Variants in CLASP1 observed in about 807,000 individuals in gnomAD.
CLASP1 encodes cytoplasmic linker associated protein 1, also known as CLIP-associating protein 1.
In CLASP1, 38 loss-of-function variants were observed where a neutral mutation model predicts 192.3. That is an observed-to-expected ratio of 0.20 (90% CI 0.15 to 0.26). CLASP1 has a LOEUF of 0.26. CLASP1 is among the 10% of genes least tolerant of loss of function. The pLI, the probability that CLASP1 is intolerant of heterozygous loss-of-function variation, is 1.00. For missense variants in CLASP1, 1,433 were observed against 1,932.5 expected, an observed-to-expected ratio of 0.74 and a Z score of 4.85; for synonymous variants, 691 against 712.8, an observed-to-expected ratio of 0.97 and a Z score of 0.49.
chr2:121,575,613 C>T (rs1472557706), intron 2 of CLASP1, among the ~76,000 whole-genome samples: 3 of 152,238 alleles, frequency 2.0e-5, no homozygotes, highest in Admixed American at 2.0e-4. Flanking sequence ...CTCCATCGTA[C>T]AAACCAGGAA....
chr2:121,391,043 A>G (rs1312116233), intron 30 of CLASP1, among the ~76,000 whole-genome samples: 5 of 152,198 alleles, frequency 3.3e-5, no homozygotes, highest in South Asian at 2.1e-4. Flanking sequence ...AAACATGGCT[A>G]TATCACTGAG....
At chr2:121,536,588 T>C in intron 2 of CLASP1, among the ~76,000 whole-genome samples, 1 of 151,544 alleles carries the variant, frequency 6.6e-6, no homozygotes, top group Non-Finnish European at 1.5e-5. Flanking sequence ...CAAAATGGAG[T>C]CTCCTGGTCT....
At chr2:121,551,669 A>C (rs979622148) in intron 2 of CLASP1, among the ~76,000 whole-genome samples, 1 of 152,208 alleles carries the variant, frequency 6.6e-6, no homozygotes, top group Non-Finnish European at 1.5e-5. Context: ...TACAATGAGA[A>C]TTACAAAACA....
At chr2:121,465,158 A>G (rs559762077) in intron 9 of CLASP1, among the ~76,000 whole-genome samples, 2 of 152,304 alleles carry the variant, frequency 1.3e-5, no homozygotes, top group South Asian at 2.1e-4. Flanking sequence ...CAGTGTTAGA[A>G]GTTCTGGCCA....
At position 121,499,641 on chromosome 2, in the gene CLASP1, T is replaced by C. The variant is rs1006560171; in HGVS notation, c.712+3526A>G. Among the ~76,000 whole-genome samples the C allele has an allele frequency of 7.2e-5, 11 of 152,088 alleles. No homozygotes were observed. The East Asian group carries it at 7.7e-4, about 11-fold the overall frequency. Reference sequence around the variant, plus strand: ...GGAGAATGTATCTCAATTTTTAAAATATACTGATAACTTCACAAAAGGCCT... The same window carrying C: ...GGAGAATGTATCTCAATTTTTAAAACATACTGATAACTTCACAAAAGGCCT... On this transcript the variant is annotated intron_variant, in intron 8 of 39. Transcript: ENST00000263710.
intron 6 of CLASP1, among the ~76,000 whole-genome samples, chr2:121,517,898 A>G (rs1397300839): frequency 1.9e-5 from 2 of 103,394 alleles, no homozygotes; most frequent in East Asian, 3.0e-4. Context: ...TTTTAGAAAA[A>G]GGAGGTAACT....
intron 1 of CLASP1, among the ~76,000 whole-genome samples, chr2:121,612,264 G>A (rs989344971): frequency 2.0e-5 from 3 of 150,406 alleles, no homozygotes; most frequent in Non-Finnish European, 4.4e-5. Flanking sequence ...AGGAGTTATA[G>A]GAGGAAGAGG....
rs1034770335 is a variant in CLASP1, at chr2:121,521,563, G to A, written c.546+4282C>T. Among the ~76,000 whole-genome samples, 51 of 152,304 alleles carry A rather than the reference G, an allele frequency of 3.3e-4. 1 individual carries two copies. The highest frequency in any genetic ancestry group is 3.2e-3 in the Admixed American group (49 of 15,304). ...TTCCCCACTGCTCTAATGATTCTGA[G>A]TTGGGCTTTCAGTTACTTGTAACCA... is the stretch of plus-strand genomic sequence containing the variant. On this transcript the variant is annotated intron_variant, in intron 6 of 39. Transcript: ENST00000263710.
At chr2:121,491,099 T>C (rs1206094402) in intron 8 of CLASP1, among the ~76,000 whole-genome samples, 2 of 152,234 alleles carry the variant, frequency 1.3e-5, no homozygotes, top group Non-Finnish European at 2.9e-5. Context: ...GTATTTCTCA[T>C]TTCCGACAAA....
chr2:121,521,535 CA>C (rs1484391215), intron 6 of CLASP1, among the ~76,000 whole-genome samples: 3 of 152,148 alleles, frequency 2.0e-5, no homozygotes, highest in African/African-American at 7.2e-5. Context: ...CAGAATGACA[CA>C]TTTCCCCACT....
chr2:121,626,859 C>G (rs1480697937), intron 1 of CLASP1, among the ~76,000 whole-genome samples: 1 of 152,100 alleles, frequency 6.6e-6, no homozygotes, highest in African/African-American at 2.4e-5. Flanking sequence ...AGGAAAAAGA[C>G]CTACAAAGGA....
intron 30 of CLASP1, among the ~76,000 whole-genome samples, chr2:121,391,047 C>G (rs1190112144): frequency 1.3e-5 from 2 of 152,122 alleles, no homozygotes; most frequent in African/African-American, 4.8e-5. Context: ...ATGGCTATAT[C>G]ACTGAGAAGG....
intron 1 of CLASP1, among the ~76,000 whole-genome samples, chr2:121,618,094 T>C (rs2066746521): frequency 6.6e-6 from 1 of 152,220 alleles, no homozygotes; most frequent in Admixed American, 6.5e-5. Context: ...CTGCATGCTG[T>C]TCTCTACTTT....
intron 14 of CLASP1, among the ~76,000 whole-genome samples, chr2:121,457,014 T>C (rs1275986772): frequency 6.6e-6 from 1 of 152,226 alleles, no homozygotes; most frequent in Non-Finnish European, 1.5e-5. Flanking sequence ...AAAAGACTCT[T>C]AAAACACTCA....
At chr2:121,341,035 G>C in intron 39 of CLASP1, 88 bp from the exon 41 acceptor site, 1 of 831,152 alleles carries the variant, frequency 1.2e-6, no homozygotes, top group Non-Finnish European at 2.0e-6. Context: ...TGACAGTAAG[G>C]AAACAGCAAG....
intron 2 of CLASP1, among the ~76,000 whole-genome samples, chr2:121,554,454 T>TAAA (rs56965310): frequency 0.043 from 3,796 of 87,512 alleles, 150 homozygotes; most frequent in East Asian, 0.092. Flanking sequence ...CTACAAAAAG[T>TAAA]AAAAAAAAAA....
At chr2:121,427,618 A>G in intron 20 of CLASP1, 188 bp from the exon 21 acceptor site, 1 of 652,080 alleles carries the variant, frequency 1.5e-6, no homozygotes, top group Admixed American at 2.6e-5. Flanking sequence ...ATTCTACATT[A>G]GCATTTATTT....
intron 34 of CLASP1, among the ~76,000 whole-genome samples, chr2:121,368,686 C>G (rs534328212): frequency 6.6e-6 from 1 of 152,118 alleles, no homozygotes; most frequent in Non-Finnish European, 1.5e-5. Flanking sequence ...CATCTGACTA[C>G]CCAACAACGG....
exon 35 of CLASP1, chr2:121,367,799 G>T: frequency 6.2e-7 from 1 of 1,613,706 alleles, no homozygotes; most frequent in Non-Finnish European, 8.5e-7. Context: ...GGCCCTCAGT[G>T]GCAGGGGAGG....
Sources: gnomAD v4.1 joint callset for allele counts (sites outside exome capture counted in the v4.1 genomes callset) on GRCh38, gnomAD v4.1.1 for gene constraint, MANE v1.5 for transcripts, NCBI Gene and HGNC (gene_info 2026-07-23, HGNC 2026-07-21) for gene names.